CDIN1: variants seen among roughly 807,000 people sequenced by gnomAD.
CDIN1 encodes the protein CDAN1-interacting nuclease 1.
Under a neutral mutation model 45.3 loss-of-function variants are expected in CDIN1, and 33 were observed. The ratio of observed to expected loss-of-function variants is 0.73; its 90% CI spans 0.55 to 0.97. The LOEUF (loss-of-function observed/expected upper bound fraction) is 0.97. Among genes scored for constraint, CDIN1 ranks in the 50% least tolerant of loss-of-function variants. CDIN1 has a pLI of 0.00. For synonymous variants in CDIN1, 118 were observed against 124.4 expected (o/e 0.95, Z 0.34); for missense variants, 303 against 339.4 (o/e 0.89, Z 0.84).
chr15:36,735,265 T>A (rs924464543), intron 10 of CDIN1, among the ~76,000 whole-genome samples: 12 of 152,184 alleles, frequency 7.9e-5, no homozygotes, highest in African/African-American at 2.7e-4. Flanking sequence ...ATTGCATATG[T>A]CTGCATGTAC....
chr15:36,584,632 C>G (rs1189819568), intron 1 of CDIN1, among the ~76,000 whole-genome samples: 2 of 152,156 alleles, frequency 1.3e-5, no homozygotes, highest in Non-Finnish European at 2.9e-5. Context: ...GTTTAGGATT[C>G]TGAGTGGCCT....
chr15:36,684,601 G>C (rs1222854131), intron 5 of CDIN1, among the ~76,000 whole-genome samples: 206 of 152,106 alleles, frequency 1.4e-3, no homozygotes, highest in Non-Finnish European at 4.1e-4. Flanking sequence ...CATAAAATGA[G>C]TTAGGGAGGA....
chr15:36,625,795 C>T (rs1224581132), intron 1 of CDIN1, among the ~76,000 whole-genome samples: 1 of 152,060 alleles, frequency 6.6e-6, no homozygotes, highest in Non-Finnish European at 1.5e-5. Context: ...GTAAGGATCC[C>T]CAGTGCCTTA....
chr15:36,703,310 T>C (rs2042721957), intron 8 of CDIN1, among the ~76,000 whole-genome samples: 1 of 131,416 alleles, frequency 7.6e-6, no homozygotes, highest in Admixed American at 7.7e-5. Flanking sequence ...GATAGATCTA[T>C]CAGATATATA....
chr15:36,689,293 T>C (rs909305463), intron 5 of CDIN1, among the ~76,000 whole-genome samples: 2 of 152,296 alleles, frequency 1.3e-5, no homozygotes, highest in Non-Finnish European at 1.5e-5. Flanking sequence ...TATTGTCCCT[T>C]TTCTTTTTTT....
At chr15:36,769,219 G>T (rs1295635411) in intron 10 of CDIN1, among the ~76,000 whole-genome samples, 2 of 152,176 alleles carry the variant, frequency 1.3e-5, no homozygotes, top group African/African-American at 4.8e-5. Context: ...TTGGACATAT[G>T]TGTACATATA....
At chr15:36,800,228 A>T (rs1395951765) in intron 10 of CDIN1, among the ~76,000 whole-genome samples, 1 of 152,208 alleles carries the variant, frequency 6.6e-6, no homozygotes, top group Non-Finnish European at 1.5e-5. Flanking sequence ...CATAGCCAAC[A>T]TGCATAGATT....
At chr15:36,741,780 A>T (rs1366831942) in intron 10 of CDIN1, among the ~76,000 whole-genome samples, 2 of 152,134 alleles carry the variant, frequency 1.3e-5, no homozygotes, top group Middle Eastern at 3.2e-3. Flanking sequence ...TTAGTCATTC[A>T]ATTAGGGACA....
intron 1 of CDIN1, among the ~76,000 whole-genome samples, chr15:36,638,118 A>G (rs920101071): frequency 1.3e-5 from 2 of 152,200 alleles, no homozygotes; most frequent in East Asian, 1.9e-4. Flanking sequence ...AATTTTTAAA[A>G]AGGAATATAT....
chr15:36,701,566 A>C (rs930950038), intron 8 of CDIN1, among the ~76,000 whole-genome samples: 1 of 152,210 alleles, frequency 6.6e-6, no homozygotes, highest in Non-Finnish European at 1.5e-5. Flanking sequence ...ATGGGTTGGC[A>C]TATCTCCAGG....
chr15:36,784,929 T>C (rs28629456), intron 10 of CDIN1, among the ~76,000 whole-genome samples: 26,994 of 151,886 alleles, frequency 0.18, 4,435 homozygotes, highest in African/African-American at 0.44. Context: ...GCAGGTGTGA[T>C]TTTTCCCTGC....
In CDIN1 at chr15:36,690,297, C is replaced by T. The variant is rs551350819; in HGVS notation, c.347-1388C>T. Among the ~76,000 whole-genome samples the T allele has an allele frequency of 2.8e-4, 42 of 150,774 alleles. No individual in the cohort carries two copies. The South Asian group carries it at 6.9e-3, about 25-fold the overall frequency. On this transcript the variant is annotated intron_variant, in intron 5 of 10. Coordinates refer to ENST00000566621, the MANE Select transcript of CDIN1 (RefSeq NM_001321759.2). ...TTTCTTTTTTTTTTTGAGACAGAGT[C>T]TCGCTCCGTTGCCCAGGCTGGAGTG...
At chr15:36,761,656 C>G (rs965011409) in intron 10 of CDIN1, among the ~76,000 whole-genome samples, 2 of 152,124 alleles carry the variant, frequency 1.3e-5, no homozygotes, top group African/African-American at 4.8e-5. Context: ...TTTGTGACAC[C>G]GCAACGAAAG....
chr15:36,631,454 T>C (rs1305459406), intron 1 of CDIN1, among the ~76,000 whole-genome samples: 2 of 152,234 alleles, frequency 1.3e-5, no homozygotes, highest in Admixed American at 1.3e-4. Context: ...TAATCTGCTT[T>C]CTACTTCTAT....
chr15:36,611,727 GTCTTGAACTAAAAACA>G (rs1456556848), intron 1 of CDIN1, among the ~76,000 whole-genome samples: 6 of 152,196 alleles, frequency 3.9e-5, no homozygotes, highest in Non-Finnish European at 2.9e-5. Context: ...AATCGATCAT[GTCTTGAACTAAAAACA>G]TCAGCAAGGC....
At chr15:36,750,345 C>G (rs1190427728) in intron 10 of CDIN1, among the ~76,000 whole-genome samples, 1 of 152,172 alleles carries the variant, frequency 6.6e-6, no homozygotes, top group Non-Finnish European at 1.5e-5. Context: ...TTCAGCACCT[C>G]CATATACATT....
At chr15:36,665,064 GA>G (rs1027577919) in intron 5 of CDIN1, among the ~76,000 whole-genome samples, 1 of 152,150 alleles carries the variant, frequency 6.6e-6, no homozygotes, top group Admixed American at 6.6e-5. Flanking sequence ...GAAATTCTAG[GA>G]GTAGGAATGA....
At chr15:36,585,623 C>T (rs2037260269) in intron 1 of CDIN1, among the ~76,000 whole-genome samples, 1 of 152,134 alleles carries the variant, frequency 6.6e-6, no homozygotes, top group Admixed American at 6.5e-5. Flanking sequence ...AGACGTTAAC[C>T]TTATTCACTT....
At chr15:36,724,155 C>T (rs960718461) in intron 10 of CDIN1, among the ~76,000 whole-genome samples, 3 of 152,200 alleles carry the variant, frequency 2.0e-5, no homozygotes, top group African/African-American at 7.2e-5. Flanking sequence ...AGAAGAGTGA[C>T]GTGATTAGGA....
Sources: gnomAD v4.1 joint callset for allele counts (sites outside exome capture counted in the v4.1 genomes callset) on GRCh38, gnomAD v4.1.1 for gene constraint, MANE v1.5 for transcripts, NCBI Gene and HGNC (gene_info 2026-07-23, HGNC 2026-07-21) for gene names.